Variants in CLMN observed in about 807,000 individuals in gnomAD.
CLMN encodes calmin.
In CLMN, 57 loss-of-function variants were observed where a neutral mutation model predicts 92.7. The observed-to-expected ratio is 0.61, with a 90% confidence interval of 0.50 to 0.77. The LOEUF is 0.77. Among genes scored for constraint, CLMN ranks in the 30% least tolerant of loss-of-function variants. CLMN has a pLI of 0.00. For synonymous variants in CLMN, 466 were observed against 470.6 expected (o/e 0.99, Z 0.13); for missense variants, 1,158 against 1,237.5 (o/e 0.94, Z 0.96).
chr14:95,307,059 C>T (rs1901315277), intron 1 of CLMN, among the ~76,000 whole-genome samples: 1 of 152,160 alleles, frequency 6.6e-6, no homozygotes, highest in Non-Finnish European at 1.5e-5. Context: ...AAAGAAAAGG[C>T]AAGGGAATGG....
chr14:95,206,923 G>A (rs1011209493), intron 8 of CLMN, among the ~76,000 whole-genome samples: 4 of 151,700 alleles, frequency 2.6e-5, no homozygotes, highest in African/African-American at 7.3e-5. Context: ...TAACAGGCCA[G>A]GAAAATTGAA....
chr14:95,245,208 TTATA>T (rs1225641854), intron 1 of CLMN, among the ~76,000 whole-genome samples: 22 of 19,768 alleles, frequency 1.1e-3, no homozygotes, highest in East Asian at 3.8e-3. Context: ...TATATATATA[TTATA>T]TATATATATA....
At position 95,230,105 on chromosome 14, in the gene CLMN, G is replaced by A. The variant is rs1897836379; in HGVS notation, c.111C>T (p.Thr37=). ...QVERENVQKR[T]FTRWINLHLE... The stretch of plus-strand genomic sequence containing the variant: ...GATGTAGATTTATCCATCGTGTAAA[G>A]GTCCTCTTCTGCACATTTTCCCTCT... Residue 37 remains threonine, a synonymous_variant, in exon 2 of 13, where the codon ACC becomes ACT. Transcript: ENST00000298912. 4 of 1,614,046 alleles carry A rather than the reference G, an allele frequency of 2.5e-6. No homozygotes were observed. In the Admixed American group the frequency reaches 5.0e-5, roughly 20 times the overall value.
intron 1 of CLMN, among the ~76,000 whole-genome samples, chr14:95,240,258 G>A (rs1258879104): frequency 3.3e-5 from 5 of 152,228 alleles, no homozygotes; most frequent in Non-Finnish European, 5.9e-5. Flanking sequence ...CTCACAGCCA[G>A]CCATGTGCTT....
rs980459482 is a variant in CLMN at position 95,294,370 on chromosome 14, G to A, written c.82+25341C>T. ...CTGGGTTTCAGGACACAATCTCTTA[G>A]GGCACCTCTGGAAGGAGAAGGGCTG... is the stretch of plus-strand genomic sequence containing the variant. On this transcript the variant is annotated intron_variant, in intron 1 of 12. Coordinates refer to ENST00000298912, the MANE Select transcript of CLMN (RefSeq NM_024734.4). The surrounding 1 kb of genome is among the most constrained non-coding windows in gnomAD (Gnocchi z 4.2). 1.3e-5 allele frequency among the ~76,000 whole-genome samples: 2 copies of A among 152,202 alleles called. No individual in the cohort carries two copies. Among genetic ancestry groups the A allele is most frequent in the African/African-American group, 4.8e-5 (2 of 41,436 alleles).
intron 1 of CLMN, among the ~76,000 whole-genome samples, chr14:95,233,896 C>G (rs946673584): frequency 3.9e-5 from 6 of 152,258 alleles, no homozygotes; most frequent in Non-Finnish European, 7.3e-5. Context: ...AACAGCAAAG[C>G]TGACCCACAG....
chr14:95,252,629 C>T (rs533465546), intron 1 of CLMN, among the ~76,000 whole-genome samples: 3 of 152,122 alleles, frequency 2.0e-5, no homozygotes, highest in Admixed American at 6.6e-5. Context: ...GGGGACTGGC[C>T]GCCAATCCAG....
At chr14:95,267,175 T>G (rs1260985389) in intron 1 of CLMN, among the ~76,000 whole-genome samples, 1 of 152,054 alleles carries the variant, frequency 6.6e-6, no homozygotes, top group Non-Finnish European at 1.5e-5. Context: ...AATAGACAAT[T>G]GGGATCACAT....
chr14:95,290,512 T>C (rs1041735679), intron 1 of CLMN, among the ~76,000 whole-genome samples: 4 of 152,104 alleles, frequency 2.6e-5, no homozygotes, highest in Non-Finnish European at 4.4e-5. Context: ...CAGAGAGAGT[T>C]GAGACGCTGC....
intron 1 of CLMN, among the ~76,000 whole-genome samples, chr14:95,278,389 T>G (rs1299839061): frequency 6.6e-6 from 1 of 152,224 alleles, no homozygotes; most frequent in African/African-American, 2.4e-5. Context: ...TTTTTCTTCT[T>G]GGTGAACTGA....
chr14:95,192,148 T>A (rs942359474), intron 12 of CLMN: 1 of 158,092 alleles, frequency 6.3e-6, no homozygotes, highest in East Asian at 1.8e-4. Flanking sequence ...TAGATACTGA[T>A]CGCTTGCTGC....
At chr14:95,270,498 T>C (rs557864580) in intron 1 of CLMN, among the ~76,000 whole-genome samples, 8 of 152,238 alleles carry the variant, frequency 5.3e-5, no homozygotes, top group Admixed American at 2.0e-4. Context: ...TCTAGCTCCA[T>C]TGATCTGGAA....
chr14:95,210,956 G>C, intron 6 of CLMN, 77 bp from the exon 7 acceptor site: 1 of 1,443,384 alleles, frequency 6.9e-7, no homozygotes, highest in Non-Finnish European at 9.2e-7. Flanking sequence ...GCATGCAGCA[G>C]CCGCGTGAGT....
rs116794212 is a variant in CLMN, at chr14:95,187,363, T to G, written c.*4201A>C. Reference sequence around the variant, plus strand: ...ACAGTAAGCAAGAGCTAGCAACCTATTTATGCAGGAATGGAACTGATGGAA... The same window carrying G: ...ACAGTAAGCAAGAGCTAGCAACCTAGTTATGCAGGAATGGAACTGATGGAA... On this transcript the variant is annotated 3_prime_UTR_variant, in exon 13 of 13. Transcript: ENST00000298912. 3,109 of 152,312 alleles carry G rather than the reference T, an allele frequency of 0.02. 114 individuals are homozygous for G. The highest frequency in any genetic ancestry group is 0.14 in the South Asian group (665 of 4,826). 9.4% of individuals were successfully genotyped at this position (152,312 alleles called of 1,614,324 possible).
intron 5 of CLMN, 119 bp downstream of exon 5, chr14:95,215,522 G>T: frequency 1.3e-6 from 1 of 791,014 alleles, no homozygotes; most frequent in Non-Finnish European, 2.1e-6. Context: ...GAGTAGAAAA[G>T]ATAAAATCTG....
rs114682585 is a variant in CLMN at position 95,255,853 on chromosome 14, G to A, written c.83-25720C>T. ...TGCATCCCTCATGAAGTTTTTGAGT[G>A]CTGCACTCCAGTGTTATTTTCCCTT... On this transcript the variant is annotated intron_variant, in intron 1 of 12. Coordinates refer to ENST00000298912, the MANE Select transcript of CLMN (RefSeq NM_024734.4). Among the ~76,000 whole-genome samples, 872 of 152,260 alleles carry A rather than the reference G, an allele frequency of 5.7e-3. 7 individuals are homozygous for A. Among genetic ancestry groups the A allele is most frequent in the African/African-American group, 0.02 (836 of 41,536 alleles).
Position 95,187,116 on chromosome 14 carries a change from T to A in CLMN, c.*4448A>T, listed in dbSNP as rs1896458700. 1 of 152,260 alleles carries A rather than the reference T, an allele frequency of 6.6e-6. No individual in the cohort carries two copies. Among genetic ancestry groups the A allele is most frequent in the African/African-American group, 2.4e-5 (1 of 41,456 alleles). 9.4% of individuals were successfully genotyped at this position (152,260 alleles called of 1,614,324 possible). On this transcript the variant is annotated 3_prime_UTR_variant, in exon 13 of 13. Transcript: ENST00000298912. ...CTTAGCAGACCACAGCTCAACAGGA[T>A]GGATGTTGCTGCAGTCCCAGCTGGA...
chr14:95,319,880 C>G lies in CLMN; in HGVS notation c.-88G>C, dbSNP rs1016344685. The G allele has an allele frequency of 6.9e-6, 4 of 578,426 alleles. No individual in the cohort carries two copies. The African/African-American group carries it at 1.2e-4, about 17-fold the overall frequency. 35.8% of individuals were successfully genotyped at this position (578,426 alleles called of 1,614,324 possible). ...GGCGGGCGCGCGAGCGGCACGCACC[C>G]GGCGAGGGCGCCGCGGAGCTGGAGT... On this transcript the variant is annotated 5_prime_UTR_variant, in exon 1 of 13. Coordinates refer to ENST00000298912, the MANE Select transcript of CLMN (RefSeq NM_024734.4).
At chr14:95,281,781 A>C (rs762840069) in intron 1 of CLMN, among the ~76,000 whole-genome samples, 2 of 152,198 alleles carry the variant, frequency 1.3e-5, no homozygotes, top group Non-Finnish European at 2.9e-5. Flanking sequence ...TCGTGTAGAA[A>C]TGCAAGATAA....
Sources: gnomAD v4.1 joint callset for allele counts (sites outside exome capture counted in the v4.1 genomes callset) on GRCh38, gnomAD v4.1.1 for gene constraint, Gnocchi (gnomAD v3.1) non-coding constraint, MANE v1.5 for transcripts, NCBI Gene and HGNC (gene_info 2026-07-23, HGNC 2026-07-21) for gene names.